Variants in ISM1 observed in about 807,000 individuals in gnomAD.
The protein encoded by ISM1 is isthmin 1.
A neutral mutation model predicts 46.3 loss-of-function variants in ISM1; 25 were observed. That is an observed-to-expected ratio of 0.54 (90% CI 0.39 to 0.75). The LOEUF (loss-of-function observed/expected upper bound fraction) is 0.75. Ranked by LOEUF, ISM1 falls within the 30% of genes least tolerant of loss-of-function variation. The pLI is 0.00. For synonymous variants in ISM1, 255 were observed against 256.7 expected (o/e 0.99, Z 0.06); for missense variants, 536 against 625.4 (o/e 0.86, Z 1.52).
intron 1 of ISM1, among the ~76,000 whole-genome samples, chr20:13,223,098 A>C (rs1017350844): frequency 2.6e-5 from 4 of 151,992 alleles, no homozygotes; most frequent in African/African-American, 9.7e-5. Context: ...GGGAGGTTGT[A>C]GTGAGCTGAG....
rs1056433780 is a variant in ISM1 at position 13,221,783 on chromosome 20, C to T, written c.7C>T (p.Arg3Cys). 13 of 1,448,642 alleles carry T rather than the reference C, an allele frequency of 9.0e-6. No homozygotes were observed. The highest frequency in any genetic ancestry group is 1.2e-5 in the Non-Finnish European group (13 of 1,105,938). 89.7% of individuals were successfully genotyped at this position (1,448,642 alleles called of 1,614,324 possible). The change falls in exon 1 of 6, where the codon CGC becomes TGC. Residue 3 changes from arginine to cysteine, a missense_variant. By Grantham distance (180) the Arg-to-Cys change is radical. This residue lies in a region of ISM1 where 367 missense variants were observed against 376.1 expected (regional missense o/e 0.98). Coordinates refer to ENST00000262487, the MANE Select transcript of ISM1 (RefSeq NM_080826.2). MV[R>C]LAAELLLLLG... ...AGCCGCGCGTCTCAAAAGGATGGTGCGCCTGGCGGCCGAGCTGCTGCTGCT... is the reference window on the plus strand; with the variant it reads ...AGCCGCGCGTCTCAAAAGGATGGTGTGCCTGGCGGCCGAGCTGCTGCTGCT...
chr20:13,270,085 C>T (rs968009239), intron 1 of ISM1, among the ~76,000 whole-genome samples: 10 of 152,172 alleles, frequency 6.6e-5, no homozygotes, highest in Non-Finnish European at 1.2e-4. Flanking sequence ...AGATCTTTTG[C>T]TCCATAGCCT....
chr20:13,279,737 G>A lies in ISM1; in HGVS notation c.482G>A (p.Trp161Ter). 6.2e-7 allele frequency: 1 copy of A among 1,613,986 alleles called. No homozygotes were observed. The highest frequency in any genetic ancestry group is 8.5e-7 in the Non-Finnish European group (1 of 1,179,896). The stretch of plus-strand genomic sequence containing the variant: ...GTCCCATCCCCCGACTGGCGGGCCT[G>A]GTGGCAGAGGTCCCTGTCCTTGGCC... ...WSVPSPDWRA[W>*]WQRSLSLARA... Residue 161 changes from tryptophan (W) to a stop codon, truncating the protein, a stop_gained, in exon 3 of 6, where the codon TGG (tryptophan) becomes TAG (stop). Coordinates refer to ENST00000262487, the MANE Select transcript of ISM1 (RefSeq NM_080826.2). LOFTEE classifies it high-confidence loss of function.
intron 1 of ISM1, among the ~76,000 whole-genome samples, chr20:13,236,590 A>G (rs2039652864): frequency 6.6e-6 from 1 of 152,186 alleles, no homozygotes. Context: ...CCAAAGTCTC[A>G]TCTGAGACAA....
At chr20:13,308,115 T>G in the ISM1 span, among the ~76,000 whole-genome samples, 2 of 152,314 alleles carry the variant, frequency 1.3e-5, no homozygotes, top group Admixed American at 1.3e-4. Context: ...CTCTGTGATC[T>G]CTTAATTATT....
chr20:13,319,418 T>C, the ISM1 span, among the ~76,000 whole-genome samples: 22 of 152,224 alleles, frequency 1.4e-4, no homozygotes, highest in South Asian at 2.1e-4. Context: ...CTGAGTCACA[T>C]TGCATCTGAG....
the ISM1 span, among the ~76,000 whole-genome samples, chr20:13,308,234 G>A: frequency 2.6e-5 from 4 of 152,128 alleles, no homozygotes; most frequent in African/African-American, 9.7e-5. Context: ...TGGCCCAGTG[G>A]GGGTGTCTGT....
chr20:13,258,927 A>C (rs1433795199), intron 1 of ISM1, among the ~76,000 whole-genome samples: 1 of 152,050 alleles, frequency 6.6e-6, no homozygotes, highest in East Asian at 1.9e-4. Flanking sequence ...CCTCTTAAAG[A>C]AGGTGAGAGA....
At chr20:13,294,099 G>A (rs546150108) in intron 5 of ISM1, among the ~76,000 whole-genome samples, 34 of 152,316 alleles carry the variant, frequency 2.2e-4, no homozygotes, top group South Asian at 1.4e-3. Flanking sequence ...TGATGTGGCC[G>A]CCATGGAATG....
chr20:13,325,777 G>A, the ISM1 span, among the ~76,000 whole-genome samples: 55 of 152,154 alleles, frequency 3.6e-4, 2 homozygotes, highest in African/African-American at 1.0e-3. Context: ...TAATTACTCC[G>A]AGAACTGACT....
intron 2 of ISM1, among the ~76,000 whole-genome samples, chr20:13,272,496 G>A (rs2040127047): frequency 6.6e-6 from 1 of 152,238 alleles, no homozygotes; most frequent in Non-Finnish European, 1.5e-5. Flanking sequence ...GAAGACAGAG[G>A]AGGAAAAGCA....
intron 1 of ISM1, among the ~76,000 whole-genome samples, chr20:13,268,920 A>G (rs1393300491): frequency 6.6e-6 from 1 of 152,172 alleles, no homozygotes; most frequent in Non-Finnish European, 1.5e-5. Flanking sequence ...TCTCTAAAAA[A>G]TGACACATAA....
At chr20:13,287,576 A>G (rs1025402549) in intron 3 of ISM1, among the ~76,000 whole-genome samples, 2 of 152,190 alleles carry the variant, frequency 1.3e-5, no homozygotes, top group Non-Finnish European at 2.9e-5. Context: ...CTAACATGCC[A>G]TCTAATTCAC....
chr20:13,276,424 T>C (rs2040180604), intron 2 of ISM1, among the ~76,000 whole-genome samples: 1 of 152,068 alleles, frequency 6.6e-6, no homozygotes, highest in African/African-American at 2.4e-5. Context: ...CTGATCAAGG[T>C]GCATTGGAAC....
At chr20:13,279,961 C>A in intron 3 of ISM1, 63 bp downstream of exon 3, 1 of 1,495,534 alleles carries the variant, frequency 6.7e-7, no homozygotes, top group Non-Finnish European at 9.1e-7. Flanking sequence ...ATGCCTTGGA[C>A]ATGGAGCCAA....
chr20:13,290,643 G>A (rs2040342951), intron 4 of ISM1, among the ~76,000 whole-genome samples: 1 of 152,110 alleles, frequency 6.6e-6, no homozygotes, highest in Non-Finnish European at 1.5e-5. Flanking sequence ...GGGCGACAGA[G>A]CAAGACTCCG....
At chr20:13,248,592 C>A (rs758423533) in intron 1 of ISM1, among the ~76,000 whole-genome samples, 3 of 152,232 alleles carry the variant, frequency 2.0e-5, no homozygotes, top group Non-Finnish European at 4.4e-5. Context: ...ATACTAATTT[C>A]TACCAGTGTT....
chr20:13,224,971 A>C (rs1337252209), intron 1 of ISM1, among the ~76,000 whole-genome samples: 3 of 148,442 alleles, frequency 2.0e-5, no homozygotes, highest in African/African-American at 7.5e-5. Flanking sequence ...TCAGCCTCCC[A>C]AGTAGCTGGG....
intron 1 of ISM1, chr20:13,244,138 G>C (rs2039765387): frequency 6.6e-6 from 1 of 152,160 alleles, no homozygotes; most frequent in Non-Finnish European, 1.5e-5. Flanking sequence ...TTTGTTCACA[G>C]ACAGACAAGA....
Sources: gnomAD v4.1 joint callset for allele counts (sites outside exome capture counted in the v4.1 genomes callset) on GRCh38, gnomAD v4.1.1 for gene constraint, gnomAD v4.1.1 regional missense constraint, MANE v1.5 for transcripts, NCBI Gene and HGNC (gene_info 2026-07-23, HGNC 2026-07-21) for gene names.